Variants in ZNF154 observed in about 807,000 individuals in gnomAD.
ZNF154 encodes zinc finger protein 154.
Under a neutral mutation model 7.5 loss-of-function variants are expected in ZNF154, and 6 were observed. That is an observed-to-expected ratio of 0.80 (90% CI 0.44 to 1.57). ZNF154 has a LOEUF of 1.57. ZNF154 is among the 40% of genes most tolerant of loss of function. The pLI, the probability that ZNF154 is intolerant of heterozygous loss-of-function variation, is 0.01. For synonymous variants in ZNF154, 187 were observed against 185.9 expected, an observed-to-expected ratio of 1.01 and a Z score of -0.05; for missense variants, 485 against 531.4, an observed-to-expected ratio of 0.91 and a Z score of 0.86.
In ZNF154 at chr19:57,701,543, C is replaced by G. The variant is rs1985134552; in HGVS notation, c.*92G>C. Reference sequence around the variant, plus strand: ...CTGTGTGGCACTCAATGAGATATGGCCTTCAGCTGAAGCTTTCTGACATTC... The same window carrying G: ...CTGTGTGGCACTCAATGAGATATGGGCTTCAGCTGAAGCTTTCTGACATTC... On this transcript the variant is annotated 3_prime_UTR_variant, in exon 3 of 3. Transcript: ENST00000684351. 4.4e-6 allele frequency: 6 copies of G among 1,364,086 alleles called. No homozygotes were observed. The highest frequency in any genetic ancestry group is 2.8e-5 in the South Asian group (2 of 70,946). 84.5% of individuals were successfully genotyped at this position (1,364,086 alleles called of 1,614,324 possible).
At chr19:57,708,861 C>T (rs1322571639) in intron 1 of ZNF154, 78 bp downstream of exon 1, 4 of 1,530,272 alleles carry the variant, frequency 2.6e-6, no homozygotes, top group East Asian at 5.0e-5. Flanking sequence ...AGCGGGGACT[C>T]GAGCAGGCGC....
Position 57,709,057 on chromosome 19 carries a change from GTGGGT to G in ZNF154, c.-91_-87del. 6.5e-7 allele frequency: 1 copy of G among 1,530,208 alleles called. No individual in the cohort carries two copies. Among genetic ancestry groups the G allele is most frequent in the Non-Finnish European group, 8.8e-7 (1 of 1,130,262 alleles). The allele number at this position is 1,530,208 out of a possible 1,614,324, so 94.8% of individuals were successfully genotyped here. A position where few individuals can be genotyped will look rare whatever the true frequency, so the allele number is the denominator to read the frequency against. On this transcript the variant is annotated 5_prime_UTR_variant, in exon 1 of 3. Transcript: ENST00000684351. ...CAGCGGTCCCTATCCCAGGCCTGAC[GTGGGT>G]CCCCCAGGGCGGCGTCGCCAAGGCT...
rs1185156430 is a variant in ZNF154 at position 57,704,856 on chromosome 19, G to C, written c.157C>G (p.Leu53Val). 2.5e-6 allele frequency: 4 copies of C among 1,612,138 alleles called. No homozygotes were observed. The highest frequency in any genetic ancestry group is 3.4e-6 in the Non-Finnish European group (4 of 1,179,444). Residue 53 changes from leucine (L) to valine (V), a missense_variant, in exon 2 of 3, where the codon CTA becomes GTA. Physicochemically the swap from Leu to Val is conservative, Grantham distance 32. Coordinates refer to ENST00000684351, the MANE Select transcript of ZNF154 (RefSeq NM_001085384.3). ...GGAAAGGGTAAAAGAACCTTACCTA[G>C]AGAGGTTAAAAGAGCCAAGTTCTCC... Reference protein sequence around the residue: ...MLENLALLTSLDVHHQKQHLG... With the variant: ...MLENLALLTSVDVHHQKQHLG...
chr19:57,704,114 G>C (rs1985294721), intron 2 of ZNF154, among the ~76,000 whole-genome samples: 2 of 152,202 alleles, frequency 1.3e-5, no homozygotes, highest in Admixed American at 1.3e-4. Context: ...ACGGAGTCCA[G>C]AGATGTGAGG....
Position 57,704,854 on chromosome 19 carries a change from T to G in ZNF154, c.159A>C (p.Leu53=). The change falls in exon 2 of 3, where the codon CTA becomes CTC. Residue 53 remains leucine (L), a splice_region_variant and synonymous_variant. Transcript: ENST00000684351. ...CAGGAAAGGGTAAAAGAACCTTACC[T>G]AGAGAGGTTAAAAGAGCCAAGTTCT... ...MLENLALLTS[L]DVHHQKQHLG... is the part of the protein sequence containing the mutation. 3.7e-6 allele frequency: 6 copies of G among 1,612,278 alleles called. No individual in the cohort carries two copies. The South Asian group carries it at 6.6e-5, about 18-fold the overall frequency.
intron 2 of ZNF154, among the ~76,000 whole-genome samples, chr19:57,704,152 A>G: frequency 6.6e-6 from 1 of 152,240 alleles, no homozygotes; most frequent in Non-Finnish European, 1.5e-5. Context: ...TGTTAAGAGC[A>G]GAAGTGACAA....
At position 57,702,249 on chromosome 19, in the gene ZNF154, T is replaced by C. The variant is rs781158008; in HGVS notation, c.700A>G (p.Lys234Glu). Residue 234 changes from lysine to glutamate, a missense_variant, in exon 3 of 3, where the codon AAA becomes GAA. Physicochemically the swap from Lys to Glu is moderately conservative, Grantham distance 56 (BLOSUM62 1). Coordinates refer to ENST00000684351, the MANE Select transcript of ZNF154 (RefSeq NM_001085384.3). ...KLFSNKSNLIKHRRVHTGERP... is the reference protein window; with the variant it reads ...KLFSNKSNLIEHRRVHTGERP... ...TCCCCAGTGTGAACTCTCCGATGTT[T>C]AATGAGGTTAGACTTGTTGCTAAAT... is the stretch of plus-strand genomic sequence containing the variant. The C allele has an allele frequency of 6.2e-7, 1 of 1,614,078 alleles. No individual in the cohort carries two copies. The highest frequency in any genetic ancestry group is 1.7e-5 in the Admixed American group (1 of 60,016).
At position 57,699,269 on chromosome 19, in the gene ZNF154, G is replaced by C. The variant is rs977652089; in HGVS notation, c.*2366C>G. 6.5e-6 allele frequency: 1 copy of C among 153,950 alleles called. No homozygotes were observed. The highest frequency in any genetic ancestry group is 1.9e-4 in the East Asian group (1 of 5,282). The allele number at this position is 153,950 out of a possible 1,614,324, so 9.5% of individuals were successfully genotyped here. ...CGCCCGGCTAATTTTTGTATTTTTA[G>C]TAGAGATGAGGTTTCAATATGTTGG... On this transcript the variant is annotated 3_prime_UTR_variant, in exon 3 of 3. Transcript: ENST00000684351.
chr19:57,700,239 A>G lies in ZNF154; in HGVS notation c.*1396T>C, dbSNP rs1286376589. ...TGGCTGGATCACAAAGGCTGTATCA[A>G]TGGCCTAGACCTCCCTTCTCTATCC... On this transcript the variant is annotated 3_prime_UTR_variant, in exon 3 of 3. Transcript: ENST00000684351. The G allele has an allele frequency of 1.3e-5, 2 of 152,182 alleles. No individual in the cohort carries two copies. Among genetic ancestry groups the G allele is most frequent in the Non-Finnish European group, 2.9e-5 (2 of 68,036 alleles). The allele number at this position is 152,182 out of a possible 1,614,324, so 9.4% of individuals were successfully genotyped here. A position where few individuals can be genotyped will look rare whatever the true frequency, so the allele number is the denominator to read the frequency against.
chr19:57,701,671 G>A lies in ZNF154; in HGVS notation c.1278C>T (p.Ser426=), dbSNP rs1258884080. The change falls in exon 3 of 3, where the codon TCC becomes TCT. Residue 426 remains serine, a synonymous_variant. Transcript: ENST00000684351. ...GAATTCTCTGATGTTTAATAAGGCT[G>A]GAGTTATGGCTAAAGGATTTCCCAC... is the stretch of plus-strand genomic sequence containing the variant. ...TECGKSFSHN[S]SLIKHQRIHS... is the part of the protein sequence containing the mutation. The A allele has an allele frequency of 6.2e-7, 1 of 1,613,702 alleles. No individual in the cohort carries two copies. The highest frequency in any genetic ancestry group is 8.5e-7 in the Non-Finnish European group (1 of 1,179,596).
rs1348616126 is a variant in ZNF154 at position 57,697,031 on chromosome 19, T to C, written c.*4604A>G. ...ATGAACTATGTGTGACAAATGGTGCTGTCAAATTCGTATTTGAGGACTTGT... is the reference window on the plus strand; with the variant it reads ...ATGAACTATGTGTGACAAATGGTGCCGTCAAATTCGTATTTGAGGACTTGT... On this transcript the variant is annotated 3_prime_UTR_variant, in exon 3 of 3. Coordinates refer to ENST00000684351, the MANE Select transcript of ZNF154 (RefSeq NM_001085384.3). 2.0e-5 allele frequency among the ~76,000 whole-genome samples: 3 copies of C among 152,222 alleles called. No homozygotes were observed. The highest frequency in any genetic ancestry group is 4.4e-5 in the Non-Finnish European group (3 of 68,048).
In ZNF154 at chr19:57,709,101, G is replaced by T; in HGVS notation, c.-130C>A. ...GTCGCCAAGGCTTAGACGCTTTCGT[G>T]CAGGAGGGACGACGACTCCCCTCAC... On this transcript the variant is annotated 5_prime_UTR_variant, in exon 1 of 3. Transcript: ENST00000684351. 7.7e-7 allele frequency: 1 copy of T among 1,303,236 alleles called. No homozygotes were observed. The allele number at this position is 1,303,236 out of a possible 1,614,324, so 80.7% of individuals were successfully genotyped here. A position where few individuals can be genotyped will look rare whatever the true frequency, so the allele number is the denominator to read the frequency against.
chr19:57,701,640 G>C lies in ZNF154; in HGVS notation c.1309C>G (p.Arg437Gly). 2 of 1,609,758 alleles carry C rather than the reference G, an allele frequency of 1.2e-6. No homozygotes were observed. The highest frequency in any genetic ancestry group is 1.7e-6 in the Non-Finnish European group (2 of 1,176,566). Residue 437 changes from arginine to glycine, a missense_variant, in exon 3 of 3, where the codon CGA becomes GGA. Transcript: ENST00000684351. ...ATTTGCCACTCATAAGGCTTTTATCGACTATGAATTCTCTGATGTTTAATA... is the reference window on the plus strand; with the variant it reads ...ATTTGCCACTCATAAGGCTTTTATCCACTATGAATTCTCTGATGTTTAATA... ...SLIKHQRIHS[R>G]
At chr19:57,708,889 A>G in intron 1 of ZNF154, 50 bp downstream of exon 1, 11 of 1,550,602 alleles carry the variant, frequency 7.1e-6, no homozygotes, top group Non-Finnish European at 8.7e-6. Context: ...TGATGGCTTT[A>G]GAACGTGGGT....
intron 1 of ZNF154, among the ~76,000 whole-genome samples, chr19:57,708,250 G>C (rs1215925055): frequency 6.6e-6 from 1 of 152,144 alleles, no homozygotes; most frequent in Non-Finnish European, 1.5e-5. Flanking sequence ...CTCTTCCTGT[G>C]AACAGTCTTT....
At position 57,700,775 on chromosome 19, in the gene ZNF154, C is replaced by G. The variant is rs1186105709; in HGVS notation, c.*860G>C. The stretch of plus-strand genomic sequence containing the variant: ...TACCCTGTAGTTTTTTCTCAGAGGC[C>G]TTGAATAGCAATGAAAACTAGGCTC... On this transcript the variant is annotated 3_prime_UTR_variant, in exon 3 of 3. Coordinates refer to ENST00000684351, the MANE Select transcript of ZNF154 (RefSeq NM_001085384.3). The G allele has an allele frequency of 6.6e-6, 1 of 152,152 alleles. No individual in the cohort carries two copies. The highest frequency in any genetic ancestry group is 2.4e-5 in the African/African-American group (1 of 41,414). 9.4% of individuals were successfully genotyped at this position (152,152 alleles called of 1,614,324 possible). A position where few individuals can be genotyped will look rare whatever the true frequency, so the allele number is the denominator to read the frequency against.
Position 57,702,206 on chromosome 19 carries a change from C to G in ZNF154, c.743G>C (p.Ser248Thr). ...VHTGERPYEC[S>T]ECGKSFSQRS... Reference sequence around the variant, plus strand: ...TTGGCTAAAGGATTTCCCACATTCACTGCACTCATATGGCCTTTCCCCAGT... The same window carrying G: ...TTGGCTAAAGGATTTCCCACATTCAGTGCACTCATATGGCCTTTCCCCAGT... The change falls in exon 3 of 3, where the codon AGT becomes ACT. Residue 248 changes from serine to threonine, a missense_variant. Transcript: ENST00000684351. The G allele has an allele frequency of 6.2e-7, 1 of 1,614,214 alleles. No homozygotes were observed. Among genetic ancestry groups the G allele is most frequent in the Non-Finnish European group, 8.5e-7 (1 of 1,180,028 alleles).
In ZNF154 at chr19:57,696,993, A is replaced by G. The variant is rs990349602; in HGVS notation, c.*4642T>C. On this transcript the variant is annotated 3_prime_UTR_variant, in exon 3 of 3. Transcript: ENST00000684351. ...GGTAAAGCCAGTAAGGTAATAGAGC[A>G]TCACCTGTTAGGATGAACTATGTGT... 3.3e-5 allele frequency among the ~76,000 whole-genome samples: 5 copies of G among 152,194 alleles called. No homozygotes were observed. The highest frequency in any genetic ancestry group is 5.9e-5 in the Non-Finnish European group (4 of 68,032).
At chr19:57,708,677 C>T (rs1460317981) in intron 1 of ZNF154, among the ~76,000 whole-genome samples, 3 of 152,196 alleles carry the variant, frequency 2.0e-5, no homozygotes, top group Admixed American at 1.3e-4. Context: ...GTAACTCCGC[C>T]TCATATTCTT....
Sources: allele counts gnomAD v4.1 joint callset (sites outside exome capture counted in the v4.1 genomes callset), GRCh38; gene constraint gnomAD v4.1.1; transcripts MANE v1.5; gene names NCBI Gene and HGNC (gene_info 2026-07-23, HGNC 2026-07-21).